SDK1: variants seen among roughly 807,000 people sequenced by gnomAD.
SDK1 encodes the protein sidekick cell adhesion molecule 1, also known as protein sidekick-1.
In SDK1, 157 loss-of-function variants were observed where a neutral mutation model predicts 245.5. The observed-to-expected ratio is 0.64, with a 90% confidence interval of 0.56 to 0.73. The LOEUF (loss-of-function observed/expected upper bound fraction) is 0.73. SDK1 is among the 30% of genes least tolerant of loss of function. SDK1 has a pLI of 0.00. For synonymous variants in SDK1, 1,647 were observed against 1,278.5 expected, an observed-to-expected ratio of 1.29 and a Z score of -6.15; for missense variants, 3,583 against 3,002.3, an observed-to-expected ratio of 1.19 and a Z score of -4.52.
intron 4 of SDK1, among the ~76,000 whole-genome samples, chr7:3,801,255 C>G (rs1423742878): frequency 6.6e-6 from 1 of 152,116 alleles, no homozygotes; most frequent in Non-Finnish European, 1.5e-5. Context: ...ACCTTTCCCC[C>G]ATTCTTTGTG....
intron 5 of SDK1, among the ~76,000 whole-genome samples, chr7:3,940,552 G>A (rs1295544193): frequency 6.6e-6 from 1 of 152,100 alleles, no homozygotes; most frequent in African/African-American, 2.4e-5. Flanking sequence ...CTCTTTAAAG[G>A]TCAGTGCTGA....
intron 5 of SDK1, among the ~76,000 whole-genome samples, chr7:3,867,689 A>G (rs560628110): frequency 6.6e-6 from 1 of 152,208 alleles, no homozygotes; most frequent in Non-Finnish European, 1.5e-5. Flanking sequence ...CTCCCACAAT[A>G]CATGGGAATT....
intron 39 of SDK1, among the ~76,000 whole-genome samples, chr7:4,220,565 A>G (rs1785093050): frequency 7.1e-6 from 1 of 141,304 alleles, no homozygotes; most frequent in Admixed American, 7.1e-5. Context: ...TGAATTTGGC[A>G]TTTGAAATAA....
At chr7:3,356,234 T>A (rs1219207040) in intron 1 of SDK1, among the ~76,000 whole-genome samples, 2 of 152,142 alleles carry the variant, frequency 1.3e-5, no homozygotes, top group Non-Finnish European at 2.9e-5. Context: ...CCTGTACCTT[T>A]TAGATTTGAC....
intron 17 of SDK1, among the ~76,000 whole-genome samples, chr7:4,034,158 C>G (rs1788046506): frequency 6.6e-6 from 1 of 152,146 alleles, no homozygotes; most frequent in South Asian, 2.1e-4. Context: ...TGGACTCAAA[C>G]TAGGAACATA....
chr7:3,641,611 C>G lies in SDK1; in HGVS notation c.566-347C>G, dbSNP rs550487822. ...GGAGATGTCTGGACACATTTTCTGA[C>G]AGTTTCTGAGAAAACTGCTTCACGT... On this transcript the variant is annotated intron_variant, in intron 3 of 44. Coordinates refer to ENST00000404826, the MANE Select transcript of SDK1 (RefSeq NM_152744.4). Among the ~76,000 whole-genome samples, 5 of 152,318 alleles carry G rather than the reference C, an allele frequency of 3.3e-5. No individual in the cohort carries two copies. The East Asian group carries it at 9.7e-4, about 29-fold the overall frequency.
chr7:3,651,589 G>A lies in SDK1; in HGVS notation c.713+9484G>A, dbSNP rs550309637. On this transcript the variant is annotated intron_variant, in intron 4 of 44. Transcript: ENST00000404826. ...AGGACAGAGTAATCAATAGACGTCC[G>A]ATGGAGAAAATGGGGGATAGATACT... Among the ~76,000 whole-genome samples, 375 of 152,276 alleles carry A rather than the reference G, an allele frequency of 2.5e-3. 2 individuals carry two copies. The highest frequency in any genetic ancestry group is 8.4e-3 in the African/African-American group (351 of 41,552).
At chr7:3,312,020 T>G (rs1245442509) in intron 1 of SDK1, among the ~76,000 whole-genome samples, 2 of 152,156 alleles carry the variant, frequency 1.3e-5, no homozygotes, top group Non-Finnish European at 2.9e-5. Context: ...CTTTTCCATC[T>G]GTGAAAAGAG....
Position 4,241,848 on chromosome 7 carries a change from T to C in SDK1, c.6186T>C (p.Ala2062=), listed in dbSNP as rs748188845. Residue 2062 remains alanine (A), a synonymous_variant, in exon 43 of 45, where the codon GCT becomes GCC. Transcript: ENST00000404826. ...TGACCCTGGACAACGGAGGATTTGC[T>C]GCCCTGGAGCTCAGCAGCCGCCACC... ...ESVTLDNGGF[A]ALELSSRHLN... is the part of the protein sequence containing the mutation. The C allele has an allele frequency of 6.2e-7, 1 of 1,614,150 alleles. No homozygotes were observed. The highest frequency in any genetic ancestry group is 2.2e-5 in the East Asian group (1 of 44,870).
In SDK1 at chr7:3,779,371, A is replaced by G. The variant is rs533983939; in HGVS notation, c.714-42079A>G. ...TTTGCATTGTAGCTACCAGAATGAC[A>G]ACGTATTCTGAGACAGATGGGAGAC... is the stretch of plus-strand genomic sequence containing the variant. On this transcript the variant is annotated intron_variant, in intron 4 of 44. Coordinates refer to ENST00000404826, the MANE Select transcript of SDK1 (RefSeq NM_152744.4). Among the ~76,000 whole-genome samples, 73 of 152,218 alleles carry G rather than the reference A, an allele frequency of 4.8e-4. 3 individuals are homozygous for G. The South Asian group carries it at 0.014, about 29-fold the overall frequency.
intron 4 of SDK1, among the ~76,000 whole-genome samples, chr7:3,797,281 C>T (rs1036268247): frequency 6.6e-6 from 1 of 152,176 alleles, no homozygotes. Flanking sequence ...CCACACCCGT[C>T]CCATATATAC....
intron 2 of SDK1, among the ~76,000 whole-genome samples, chr7:3,629,152 T>A (rs1264093396): frequency 6.8e-6 from 1 of 147,788 alleles, no homozygotes; most frequent in Non-Finnish European, 1.5e-5. Context: ...AAAAAAAAAA[T>A]TAGCCGGGCA....
intron 5 of SDK1, among the ~76,000 whole-genome samples, chr7:3,924,780 C>G (rs536809125): frequency 5.3e-5 from 8 of 152,176 alleles, no homozygotes; most frequent in Non-Finnish European, 8.8e-5. Context: ...TCGCCCTCCT[C>G]CTAGCTGTCA....
At chr7:4,244,278 C>T (rs1330955637) in intron 43 of SDK1, among the ~76,000 whole-genome samples, 1 of 152,210 alleles carries the variant, frequency 6.6e-6, no homozygotes, top group Non-Finnish European at 1.5e-5. Flanking sequence ...GTTCTGCACT[C>T]ACTCCTCGCA....
chr7:4,019,370 G>A (rs190752301), intron 17 of SDK1, among the ~76,000 whole-genome samples: 5 of 152,180 alleles, frequency 3.3e-5, no homozygotes, highest in East Asian at 1.9e-4. Context: ...TGCCTCTGAC[G>A]TCAGTAGGAC....
chr7:3,917,270 C>T (rs1349924068), intron 5 of SDK1, among the ~76,000 whole-genome samples: 1 of 152,212 alleles, frequency 6.6e-6, no homozygotes, highest in Non-Finnish European at 1.5e-5. Context: ...TCCAAGTCAG[C>T]ATTCATTATG....
chr7:4,252,245 C>A (rs1787353465), intron 44 of SDK1, among the ~76,000 whole-genome samples: 1 of 119,066 alleles, frequency 8.4e-6, no homozygotes, highest in African/African-American at 3.2e-5. Context: ...GTGTGATGTT[C>A]CCCTTCCTGT....
intron 5 of SDK1, among the ~76,000 whole-genome samples, chr7:3,902,484 C>G (rs370302804): frequency 2.6e-5 from 4 of 152,164 alleles, no homozygotes; most frequent in African/African-American, 9.7e-5. Flanking sequence ...TGGAAGATGT[C>G]TCATTAAGGG....
At chr7:3,568,179 T>C (rs976701957) in intron 1 of SDK1, among the ~76,000 whole-genome samples, 3 of 152,258 alleles carry the variant, frequency 2.0e-5, no homozygotes, top group Admixed American at 6.5e-5. Flanking sequence ...AGTGTCATTA[T>C]TGATAATGGA....
Sources: allele counts gnomAD v4.1 joint callset (sites outside exome capture counted in the v4.1 genomes callset), GRCh38; gene constraint gnomAD v4.1.1; transcripts MANE v1.5; gene names NCBI Gene and HGNC (gene_info 2026-07-23, HGNC 2026-07-21).